ADAM23: variants seen among roughly 807,000 people sequenced by gnomAD.
ADAM23 encodes disintegrin and metalloproteinase domain-containing protein 23.
Under a neutral mutation model 120.1 loss-of-function variants are expected in ADAM23, and 33 were observed. The observed-to-expected ratio is 0.27, with a 90% CI of 0.21 to 0.37. The LOEUF (loss-of-function observed/expected upper bound fraction) is 0.37, where lower values mean the gene tolerates loss of function less well. Ranked by LOEUF, ADAM23 falls within the 10% of genes least tolerant of loss-of-function variation. The pLI, the probability that ADAM23 is intolerant of heterozygous loss-of-function variation, is 1.00. For missense variants in ADAM23, 862 were observed against 1,058.2 expected, an observed-to-expected ratio of 0.81 and a Z score of 2.57; for synonymous variants, 367 against 375.2, an observed-to-expected ratio of 0.98 and a Z score of 0.25.
intron 2 of ADAM23, among the ~76,000 whole-genome samples, chr2:206,475,406 A>C (rs1695755906): frequency 6.6e-6 from 1 of 152,144 alleles, no homozygotes. Context: ...CTGGACTTTC[A>C]TGTTTCTCTA....
intron 3 of ADAM23, among the ~76,000 whole-genome samples, chr2:206,496,870 A>T (rs1205973011): frequency 5.3e-5 from 8 of 151,892 alleles, no homozygotes; most frequent in Admixed American, 2.0e-4. Flanking sequence ...AATACTATAA[A>T]CACCTCTACG....
intron 4 of ADAM23, among the ~76,000 whole-genome samples, chr2:206,532,755 T>G (rs1436027617): frequency 6.6e-6 from 1 of 152,134 alleles, no homozygotes; most frequent in Non-Finnish European, 1.5e-5. Context: ...TTCATAATAT[T>G]ATTTCTAATT....
chr2:206,613,455 G>C (rs1698874525), intron 25 of ADAM23, among the ~76,000 whole-genome samples: 1 of 152,180 alleles, frequency 6.6e-6, no homozygotes, highest in South Asian at 2.1e-4. Context: ...ATTTCTCTAT[G>C]AAATCCTGTG....
In ADAM23 at chr2:206,594,721, A is replaced by G. The variant is rs377051427; in HGVS notation, c.2079-16A>G. The G allele has an allele frequency of 5.0e-6, 8 of 1,613,774 alleles. No individual in the cohort carries two copies. In the African/African-American group the frequency reaches 9.3e-5, roughly 19 times the overall value. The stretch of plus-strand genomic sequence containing the variant: ...GTGTGGTGCAAATAGTTATATGGGT[A>G]TCTTTCTTGTTTTAGTGGTGCCCAT... On this transcript the variant is annotated splice_polypyrimidine_tract_variant and intron_variant, in intron 22 of 25. Transcript: ENST00000264377.
At chr2:206,517,491 A>T (rs190937944) in intron 3 of ADAM23, among the ~76,000 whole-genome samples, 1 of 152,152 alleles carries the variant, frequency 6.6e-6, no homozygotes, top group African/African-American at 2.4e-5. Flanking sequence ...CTGTGTAGGC[A>T]GCTATACCAA....
At chr2:206,454,926 G>A (rs11891651) in intron 2 of ADAM23, among the ~76,000 whole-genome samples, 2 of 152,222 alleles carry the variant, frequency 1.3e-5, no homozygotes, top group African/African-American at 4.8e-5. Context: ...GGCATTGAGT[G>A]CCCGTGGCCT....
chr2:206,594,587 G>T, intron 22 of ADAM23, 150 bp from the exon 23 acceptor site: 1 of 778,100 alleles, frequency 1.3e-6, no homozygotes, highest in Non-Finnish European at 2.0e-6. Context: ...GAAAGGTAGG[G>T]AAAGGGGAAG....
At chr2:206,518,030 A>T (rs1280053448) in intron 3 of ADAM23, among the ~76,000 whole-genome samples, 2 of 152,200 alleles carry the variant, frequency 1.3e-5, no homozygotes, top group Non-Finnish European at 2.9e-5. Context: ...CACTTTGTGA[A>T]TGTGAGTAAG....
intron 24 of ADAM23, among the ~76,000 whole-genome samples, chr2:206,596,899 CTTTTTTTTTTTTTT>C (rs144070768): frequency 1.2e-5 from 1 of 82,932 alleles, no homozygotes; most frequent in East Asian, 4.1e-4. Flanking sequence ...ATTATATCAT[CTTTTTTTTTTTTTT>C]TTTTTTTTTT....
intron 3 of ADAM23, among the ~76,000 whole-genome samples, chr2:206,522,146 C>CAT (rs955832845): frequency 2.2e-4 from 33 of 150,942 alleles, no homozygotes; most frequent in Admixed American, 1.3e-3. Flanking sequence ...TATGTATATT[C>CAT]ATATATATAT....
chr2:206,504,866 G>A (rs566373808), intron 3 of ADAM23, among the ~76,000 whole-genome samples: 1 of 152,236 alleles, frequency 6.6e-6, no homozygotes, highest in East Asian at 1.9e-4. Context: ...ATATGTGTAA[G>A]CTGTAGATTA....
intron 1 of ADAM23, 72 bp downstream of exon 1, chr2:206,444,152 G>T: frequency 8.6e-7 from 1 of 1,161,268 alleles, no homozygotes; most frequent in South Asian, 4.1e-5. Flanking sequence ...AGGGCGCGCG[G>T]GTCCGTGTGC....
chr2:206,616,628 G>T (rs1240231656), intron 25 of ADAM23, among the ~76,000 whole-genome samples: 1 of 152,082 alleles, frequency 6.6e-6, no homozygotes, highest in Non-Finnish European at 1.5e-5. Context: ...GATACTTAGG[G>T]CCTGTAAGGG....
chr2:206,537,764 G>A (rs1423108359), intron 4 of ADAM23, among the ~76,000 whole-genome samples: 4 of 151,844 alleles, frequency 2.6e-5, no homozygotes, highest in Non-Finnish European at 4.4e-5. Context: ...TTTTACTTGC[G>A]TGTACACTAG....
intron 18 of ADAM23, among the ~76,000 whole-genome samples, chr2:206,586,703 A>G (rs1698328429): frequency 1.3e-5 from 2 of 152,200 alleles, no homozygotes; most frequent in African/African-American, 4.8e-5. Flanking sequence ...TACAGAGAGT[A>G]ACTTTGGGGG....
At chr2:206,581,849 T>C (rs1350146649) in intron 18 of ADAM23, among the ~76,000 whole-genome samples, 1 of 152,106 alleles carries the variant, frequency 6.6e-6, no homozygotes, top group Non-Finnish European at 1.5e-5. Flanking sequence ...ATTGTGTTGC[T>C]GTCTATGTCC....
intron 21 of ADAM23, among the ~76,000 whole-genome samples, chr2:206,590,007 T>C (rs1698396106): frequency 6.6e-6 from 1 of 152,202 alleles, no homozygotes; most frequent in Non-Finnish European, 1.5e-5. Flanking sequence ...GAGATTTTTT[T>C]TCCCTTCCAA....
intron 3 of ADAM23, among the ~76,000 whole-genome samples, chr2:206,487,554 A>G (rs1171678156): frequency 6.6e-6 from 1 of 152,196 alleles, no homozygotes; most frequent in African/African-American, 2.4e-5. Flanking sequence ...TCCATTAAAG[A>G]ACATGACACG....
chr2:206,593,170 T>C (rs1698459281), intron 22 of ADAM23, among the ~76,000 whole-genome samples: 2 of 152,188 alleles, frequency 1.3e-5, no homozygotes, highest in Non-Finnish European at 2.9e-5. Context: ...TAATCATATA[T>C]AGAAAATATT....
Sources: gnomAD v4.1 joint callset for allele counts (sites outside exome capture counted in the v4.1 genomes callset) on GRCh38, gnomAD v4.1.1 for gene constraint, MANE v1.5 for transcripts, NCBI Gene and HGNC (gene_info 2026-07-23, HGNC 2026-07-21) for gene names.